The following MASP1 variants were observed in gnomAD, a reference collection of about 807,000 sequenced individuals.
The protein encoded by MASP1 is MBL associated serine protease 1.
In MASP1, 59 loss-of-function variants were observed where a neutral mutation model predicts 77.1. The ratio of observed to expected loss-of-function variants is 0.77; its 90% CI spans 0.62 to 0.95. MASP1 has a LOEUF of 0.95. MASP1 is among the 40% of genes least tolerant of loss of function. MASP1 has a pLI of 0.00. For synonymous variants in MASP1, 362 were observed against 354.5 expected, an observed-to-expected ratio of 1.02 and a Z score of -0.24; for missense variants, 885 against 912.9, an observed-to-expected ratio of 0.97 and a Z score of 0.39.
At chr3:187,262,491 A>T in intron 3 of MASP1, 52 bp downstream of exon 3, 1 of 1,587,516 alleles carries the variant, frequency 6.3e-7, no homozygotes, top group Non-Finnish European at 8.6e-7. Context: ...GGCAGTTTTC[A>T]TCTTCGGAGA....
intron 4 of MASP1, among the ~76,000 whole-genome samples, chr3:187,257,618 C>G (rs1301632521): frequency 2.6e-5 from 4 of 152,162 alleles, no homozygotes; most frequent in Non-Finnish European, 5.9e-5. Flanking sequence ...TTCCTAGACT[C>G]AAGCCATCTT....
chr3:187,271,914 G>A (rs993091165), intron 2 of MASP1, among the ~76,000 whole-genome samples: 8 of 152,148 alleles, frequency 5.3e-5, no homozygotes, highest in Non-Finnish European at 8.8e-5. Flanking sequence ...CCCTTGGGTC[G>A]CAACAGAGTT....
intron 2 of MASP1, among the ~76,000 whole-genome samples, chr3:187,268,549 T>A (rs201189839): frequency 4.4e-5 from 6 of 137,430 alleles, no homozygotes; most frequent in East Asian, 2.0e-4. Context: ...GAAAAGAAAA[T>A]AGAAAAGAAA....
chr3:187,234,967 G>A lies in MASP1; in HGVS notation c.*717C>T. 7.8e-7 allele frequency: 1 copy of A among 1,287,254 alleles called. No individual in the cohort carries two copies. The highest frequency in any genetic ancestry group is 1.0e-6 in the Non-Finnish European group (1 of 988,690). 79.7% of individuals were successfully genotyped at this position (1,287,254 alleles called of 1,614,324 possible). On this transcript the variant is annotated 3_prime_UTR_variant, in exon 11 of 11. Transcript: ENST00000296280. The stretch of plus-strand genomic sequence containing the variant: ...TTGACAATGGGAATTTAAGGGCTTG[G>A]TGGGCCTCCCACGGCTATTCTGCTC...
chr3:187,283,803 C>A (rs1282237753), intron 2 of MASP1, among the ~76,000 whole-genome samples: 1 of 152,194 alleles, frequency 6.6e-6, no homozygotes, highest in Non-Finnish European at 1.5e-5. Context: ...AGACAACTCT[C>A]CAACCAAAAT....
At chr3:187,274,793 G>A (rs1413412244) in intron 2 of MASP1, among the ~76,000 whole-genome samples, 1 of 152,182 alleles carries the variant, frequency 6.6e-6, no homozygotes, top group Non-Finnish European at 1.5e-5. Context: ...GAATCCCACT[G>A]CTGCCAGGAA....
Position 187,236,277 on chromosome 3 carries a change from C to G in MASP1, c.1594G>C (p.Val532Leu). 6.2e-7 allele frequency: 1 copy of G among 1,614,264 alleles called. No individual in the cohort carries two copies. Among genetic ancestry groups the G allele is most frequent in the Non-Finnish European group, 8.5e-7 (1 of 1,180,048 alleles). The change falls in exon 11 of 11, where the codon GTC (valine) becomes CTC (leucine). Residue 532 changes from valine (V) to leucine (L), a missense_variant. Physicochemically the swap from Val to Leu is conservative, Grantham distance 32 (BLOSUM62 1). Transcript: ENST00000296280. The part of the protein sequence containing the change: ...LHDVRDKSGA[V>L]NSSAARVVLH... ...ACCACTCGGGCAGCTGAGCTGTTGA[C>G]TGCCCCCGATTTGTCTCGCACATCA...
chr3:187,251,448 C>T, intron 7 of MASP1, 186 bp downstream of exon 7: 1 of 557,948 alleles, frequency 1.8e-6, no homozygotes, highest in Non-Finnish European at 3.2e-6. Context: ...GTGCCACTTT[C>T]AGAGTGTGAG....
intron 4 of MASP1, among the ~76,000 whole-genome samples, chr3:187,258,838 A>G (rs780139093): frequency 3.9e-4 from 59 of 152,186 alleles, no homozygotes; most frequent in Middle Eastern, 3.4e-3. Flanking sequence ...CTTTCCTTCT[A>G]CTTCCCATAA....
chr3:187,285,967 T>A lies in MASP1; in HGVS notation c.95A>T (p.Gln32Leu). Reference protein sequence around the residue: ...VELNNMFGQIQSPGYPDSYPS... With the variant: ...VELNNMFGQILSPGYPDSYPS... ...ATAGGAGTCTGGATAACCAGGCGAC[T>A]GGATCTGGCCAAACATATTGTTTAG... is the stretch of plus-strand genomic sequence containing the variant. The change falls in exon 2 of 11, where the codon CAG becomes CTG. Residue 32 changes from glutamine (Q) to leucine (L), a missense_variant. Coordinates refer to ENST00000296280, the MANE Select transcript of MASP1 (RefSeq NM_139125.4). The A allele has an allele frequency of 6.2e-7, 1 of 1,614,230 alleles. No individual in the cohort carries two copies. Among genetic ancestry groups the A allele is most frequent in the Non-Finnish European group, 8.5e-7 (1 of 1,180,026 alleles).
chr3:187,286,930 C>G (rs1717910304), intron 1 of MASP1, among the ~76,000 whole-genome samples: 1 of 152,222 alleles, frequency 6.6e-6, no homozygotes, highest in Non-Finnish European at 1.5e-5. Flanking sequence ...CTGGCCTGAA[C>G]TTTAACCATT....
At chr3:187,276,996 G>A (rs964510926) in intron 2 of MASP1, among the ~76,000 whole-genome samples, 1 of 152,158 alleles carries the variant, frequency 6.6e-6, no homozygotes, top group Non-Finnish European at 1.5e-5. Context: ...CCACTTGGGA[G>A]CGACTTACCT....
rs555049495 is a variant in MASP1 at position 187,271,082 on chromosome 3, C to T, written c.238-8362G>A. Among the ~76,000 whole-genome samples, 13 of 152,320 alleles carry T rather than the reference C, an allele frequency of 8.5e-5. No homozygotes were observed. In the East Asian group the frequency reaches 1.4e-3, roughly 16 times the overall value. Reference sequence around the variant, plus strand: ...TGATTTGGGACAAAGAATAGGCTCACGTTTGTAAATTGAAATTTGGAGAAC... The same window carrying T: ...TGATTTGGGACAAAGAATAGGCTCATGTTTGTAAATTGAAATTTGGAGAAC... On this transcript the variant is annotated intron_variant, in intron 2 of 10. Transcript: ENST00000296280.
chr3:187,286,698 C>G (rs773887409), intron 1 of MASP1, among the ~76,000 whole-genome samples: 5 of 152,216 alleles, frequency 3.3e-5, no homozygotes, highest in Admixed American at 2.6e-4. Flanking sequence ...GAGCACGTCA[C>G]CATGGCTGAC....
intron 10 of MASP1, 114 bp from the exon 11 acceptor site, chr3:187,236,681 G>A (rs1266367360): frequency 6.3e-7 from 1 of 1,583,982 alleles, no homozygotes; most frequent in Non-Finnish European, 8.6e-7. Flanking sequence ...ATGCCACCAT[G>A]GGACCCTAAC....
intron 5 of MASP1, among the ~76,000 whole-genome samples, chr3:187,255,435 T>A (rs558576304): frequency 6.6e-6 from 1 of 152,360 alleles, no homozygotes; most frequent in East Asian, 1.9e-4. Flanking sequence ...AAGAGCTCCA[T>A]CAGCTGACAC....
chr3:187,220,346 A>G (rs775337569), intron 15 of MASP1: 69 of 1,285,300 alleles, frequency 5.4e-5, no homozygotes, highest in Non-Finnish European at 7.6e-5. Flanking sequence ...TGTAGTTCAG[A>G]GAATTGGGCA....
chr3:187,262,784 T>C (rs1715709835), intron 2 of MASP1, 64 bp from the exon 3 acceptor site: 1 of 1,512,786 alleles, frequency 6.6e-7, no homozygotes, highest in African/African-American at 1.4e-5. Flanking sequence ...TTTCCTTATC[T>C]TTAGAAAGAA....
chr3:187,252,035 C>T (rs1276364147), intron 6 of MASP1, among the ~76,000 whole-genome samples: 1 of 152,204 alleles, frequency 6.6e-6, no homozygotes, highest in African/African-American at 2.4e-5. Flanking sequence ...AAATCCAATC[C>T]TTGTCTGATG....
Sources: allele counts gnomAD v4.1 joint callset (sites outside exome capture counted in the v4.1 genomes callset), GRCh38; gene constraint gnomAD v4.1.1; transcripts MANE v1.5; gene names NCBI Gene and HGNC (gene_info 2026-07-23, HGNC 2026-07-21).